The following ADAMTS8 variants were observed in gnomAD, a reference collection of about 807,000 sequenced individuals.
ADAMTS8 encodes the protein ADAM metallopeptidase with thrombospondin type 1 motif 8.
In ADAMTS8, 50 loss-of-function variants were observed where a neutral mutation model predicts 64.4. That is an observed-to-expected ratio of 0.78 (90% CI 0.62 to 0.98). ADAMTS8 has a LOEUF of 0.98. Ranked by LOEUF, ADAMTS8 falls within the 50% of genes least tolerant of loss-of-function variation. The pLI, the probability that ADAMTS8 is intolerant of heterozygous loss-of-function variation, is 0.00. For synonymous variants in ADAMTS8, 556 were observed against 533.6 expected (o/e 1.04, Z -0.58); for missense variants, 1,192 against 1,208.2 (o/e 0.99, Z 0.20).
intron 1 of ADAMTS8, among the ~76,000 whole-genome samples, chr11:130,423,173 G>A (rs1207882321): frequency 6.6e-6 from 1 of 152,230 alleles, no homozygotes; most frequent in Non-Finnish European, 1.5e-5. Flanking sequence ...AGGCTTGCAA[G>A]CAGCAAGTCC....
intron 1 of ADAMTS8, among the ~76,000 whole-genome samples, chr11:130,420,856 A>G (rs2134688304): frequency 6.6e-6 from 1 of 152,238 alleles, no homozygotes; most frequent in East Asian, 1.9e-4. Context: ...TCACATCATT[A>G]TGCAACCGGG....
At chr11:130,421,751 G>C (rs1282457707) in intron 1 of ADAMTS8, among the ~76,000 whole-genome samples, 1 of 152,192 alleles carries the variant, frequency 6.6e-6, no homozygotes. Context: ...TCAGGGCTGT[G>C]AGCCTTTGAT....
intron 6 of ADAMTS8, among the ~76,000 whole-genome samples, chr11:130,409,754 A>G (rs1472154595): frequency 1.3e-5 from 2 of 152,188 alleles, no homozygotes; most frequent in Non-Finnish European, 2.9e-5. Flanking sequence ...ATCTGAAGTT[A>G]GATGTGGGTT....
intron 8 of ADAMTS8, 145 bp downstream of exon 8, chr11:130,408,319 G>T: frequency 1.0e-6 from 1 of 985,058 alleles, no homozygotes; most frequent in Non-Finnish European, 1.5e-6. Flanking sequence ...ATTTTACAAA[G>T]AAACTGAAGC....
Position 130,416,942 on chromosome 11 carries a change from A to G in ADAMTS8, c.1094T>C (p.Leu365Pro). The G allele has an allele frequency of 6.2e-7, 1 of 1,613,996 alleles. No individual in the cohort carries two copies. The highest frequency in any genetic ancestry group is 1.1e-5 in the South Asian group (1 of 91,080). Residue 365 changes from leucine to proline, a missense_variant and splice_region_variant, in exon 3 of 9, where the codon CTA becomes CCA. Leu to Pro is a moderately conservative substitution (Grantham distance 98, BLOSUM62 -3). Coordinates refer to ENST00000257359, the MANE Select transcript of ADAMTS8 (RefSeq NM_007037.6). The surrounding 1 kb of genome is among the most constrained non-coding windows in gnomAD (Gnocchi z 4.8). Reference protein sequence around the residue: ...LQAAHTLAHELGHVLSMPHDD... With the variant: ...LQAAHTLAHEPGHVLSMPHDD... ...GGCTTTGGCACAGCAAATCTTACCT[A>G]GTTCATGGGCCAGGGTGTGGGCCGC...
chr11:130,423,666 G>A (rs143516770), intron 1 of ADAMTS8, among the ~76,000 whole-genome samples: 1 of 152,144 alleles, frequency 6.6e-6, no homozygotes, highest in Non-Finnish European at 1.5e-5. Flanking sequence ...GAAGATGAGC[G>A]CCACTTTTCG....
At position 130,416,254 on chromosome 11, in the gene ADAMTS8, C is replaced by T; in HGVS notation, c.1173G>A (p.Val391=). Residue 391 remains valine (V), a synonymous_variant, in exon 4 of 9, where the codon GTG becomes GTA. Transcript: ENST00000257359. The surrounding 1 kb of genome is among the most constrained non-coding windows in gnomAD (Gnocchi z 4.8). ...TCAGGTGGACGAACAGCGGTGCCAT[C>T]ACGTGGTGCTTGCCCATGGGCCCGA... is the stretch of plus-strand genomic sequence containing the variant. ...RLFGPMGKHH[V]MAPLFVHLNQ... 6.3e-7 allele frequency: 1 copy of T among 1,585,180 alleles called. No homozygotes were observed. Among genetic ancestry groups the T allele is most frequent in the African/African-American group, 1.3e-5 (1 of 74,542 alleles).
In ADAMTS8 at chr11:130,405,383, C is replaced by T. The variant is rs1360125586; in HGVS notation, c.*175G>A. ...GATAGGGTCTGCCGCCCCATACCCT[C>T]TCCTCTTCCCCCTTAGGAATTTGTG... On this transcript the variant is annotated 3_prime_UTR_variant, in exon 9 of 9. Transcript: ENST00000257359. 2 of 1,421,556 alleles carry T rather than the reference C, an allele frequency of 1.4e-6. No homozygotes were observed. Among genetic ancestry groups the T allele is most frequent in the African/African-American group, 2.9e-5 (2 of 69,754 alleles). The allele number at this position is 1,421,556 out of a possible 1,614,324, so 88.1% of individuals were successfully genotyped here.
At chr11:130,406,231 A>T (rs972839069) in intron 8 of ADAMTS8, 103 bp from the exon 9 acceptor site, 1 of 1,397,064 alleles carries the variant, frequency 7.2e-7, no homozygotes, top group African/African-American at 1.4e-5. Context: ...GCAGACACGA[A>T]AAAAACAAAG....
At chr11:130,409,496 C>G (rs1392955038) in intron 6 of ADAMTS8, among the ~76,000 whole-genome samples, 8 of 152,308 alleles carry the variant, frequency 5.3e-5, no homozygotes. Context: ...CACGAACTGT[C>G]TTGACTTTCA....
At chr11:130,420,172 C>T (rs992702939) in intron 1 of ADAMTS8, among the ~76,000 whole-genome samples, 2 of 152,168 alleles carry the variant, frequency 1.3e-5, no homozygotes, top group African/African-American at 2.4e-5. Flanking sequence ...CCGAAGGGTT[C>T]GTTCCCTCCT....
rs1436905895 is a variant in ADAMTS8 at position 130,405,972 on chromosome 11, G to T, written c.2256C>A (p.Ala752=). ...CCTTCACCAAGATGTCCTGCTCTAT[G>T]GCAGAGATGGCCAGGTTGCCGTTGA... is the stretch of plus-strand genomic sequence containing the variant. The part of the protein sequence containing the change: ...YLLNGNLAIS[A]IEQDILVKGT... Residue 752 remains alanine, a synonymous_variant, in exon 9 of 9, where the codon GCC becomes GCA. Transcript: ENST00000257359. 1.2e-6 allele frequency: 2 copies of T among 1,614,110 alleles called. No homozygotes were observed. Among genetic ancestry groups the T allele is most frequent in the Non-Finnish European group, 1.7e-6 (2 of 1,180,052 alleles).
At position 130,411,722 on chromosome 11, in the gene ADAMTS8, G is replaced by T; in HGVS notation, c.1567-122C>A. ...TCATTATCATCTTGGTGCATGGAGTGCCGTAAACTGCCTCAATCATTTGTT... is the reference window on the plus strand; with the variant it reads ...TCATTATCATCTTGGTGCATGGAGTTCCGTAAACTGCCTCAATCATTTGTT... On this transcript the variant is annotated intron_variant, in intron 5 of 8. Coordinates refer to ENST00000257359, the MANE Select transcript of ADAMTS8 (RefSeq NM_007037.6). This position sits in a 1 kb window ranked among gnomAD's most constrained non-coding sequence, Gnocchi z 4.2. 1.1e-6 allele frequency: 1 copy of T among 944,350 alleles called. No homozygotes were observed. Among genetic ancestry groups the T allele is most frequent in the Non-Finnish European group, 1.6e-6 (1 of 633,190 alleles). 58.5% of individuals were successfully genotyped at this position (944,350 alleles called of 1,614,324 possible).
rs1193606891 is a variant in ADAMTS8, at chr11:130,411,472, G to A, written c.1695C>T (p.Cys565=). 1 of 1,614,176 alleles carries A rather than the reference G, an allele frequency of 6.2e-7. No individual in the cohort carries two copies. The highest frequency in any genetic ancestry group is 8.5e-7 in the Non-Finnish European group (1 of 1,180,032). ...DPEPQNGGRY[C]LGRRAKYQSC... ...ACTGGTACTTGGCTCTCCGACCCAG[G>A]CAGTATCTTCCTCCATTCTGAGGCT... Residue 565 remains cysteine (C), a synonymous_variant, in exon 6 of 9, where the codon TGC becomes TGT. Coordinates refer to ENST00000257359, the MANE Select transcript of ADAMTS8 (RefSeq NM_007037.6). The surrounding 1 kb of genome is among the most constrained non-coding windows in gnomAD (Gnocchi z 4.2).
At chr11:130,407,462 GAGAC>G (rs909199563) in intron 8 of ADAMTS8, among the ~76,000 whole-genome samples, 6 of 152,294 alleles carry the variant, frequency 3.9e-5, no homozygotes, top group South Asian at 2.1e-4. Flanking sequence ...GAGAGATGTA[GAGAC>G]AGACAGACAG....
At chr11:130,422,995 A>G (rs187315028) in intron 1 of ADAMTS8, among the ~76,000 whole-genome samples, 124 of 152,372 alleles carry the variant, frequency 8.1e-4, no homozygotes, top group South Asian at 7.0e-3. Flanking sequence ...GGACATTGGT[A>G]TAACTGCTCC....
chr11:130,405,878 C>T lies in ADAMTS8; in HGVS notation c.2350G>A (p.Glu784Lys), dbSNP rs1405769788. Residue 784 changes from glutamate (E) to lysine (K), a missense_variant, in exon 9 of 9, where the codon GAG becomes AAG. Glu to Lys is a moderately conservative substitution (Grantham distance 56). Coordinates refer to ENST00000257359, the MANE Select transcript of ADAMTS8 (RefSeq NM_007037.6). The part of the protein sequence containing the change: ...ERLQSFRPLP[E>K]PLTVQLLTVP... ...GTCAGGAGCTGCACTGTCAGAGGCT[C>T]TGGCAAGGGCCGGAAGCTCTGCAGG... 6.2e-7 allele frequency: 1 copy of T among 1,613,998 alleles called. No homozygotes were observed. The highest frequency in any genetic ancestry group is 1.3e-5 in the African/African-American group (1 of 74,960).
rs771693532 is a variant in ADAMTS8, at chr11:130,416,966, G to A, written c.1070C>T (p.Ala357Val). The A allele has an allele frequency of 3.8e-5, 62 of 1,613,964 alleles. No homozygotes were observed. In the South Asian group the frequency reaches 4.2e-4, roughly 11 times the overall value. ...CSVIEDEGLQ[A>V]AHTLAHELGH... is the part of the protein sequence containing the mutation. ...TAGTTCATGGGCCAGGGTGTGGGCC[G>A]CCTGGAGCCCCTCATCCTCGATCAC... Residue 357 changes from alanine to valine, a missense_variant, in exon 3 of 9, where the codon GCG (alanine) becomes GTG (valine). Ala to Val is a moderately conservative substitution (Grantham distance 64). Coordinates refer to ENST00000257359, the MANE Select transcript of ADAMTS8 (RefSeq NM_007037.6). This position sits in a 1 kb window ranked among gnomAD's most constrained non-coding sequence, Gnocchi z 4.8.
intron 6 of ADAMTS8, among the ~76,000 whole-genome samples, chr11:130,410,457 G>C (rs996955665): frequency 6.6e-6 from 1 of 152,106 alleles, no homozygotes. Context: ...CCCTTTCCCA[G>C]CAACGTCTCA....
Sources: allele counts gnomAD v4.1 joint callset (sites outside exome capture counted in the v4.1 genomes callset), GRCh38; gene constraint gnomAD v4.1.1; non-coding constraint Gnocchi (gnomAD v3.1); transcripts MANE v1.5; gene names NCBI Gene and HGNC (gene_info 2026-07-23, HGNC 2026-07-21).